The following RPS9 variants were observed in gnomAD, a reference collection of about 807,000 sequenced individuals.
RPS9 encodes the protein small ribosomal subunit protein uS4.
Under a neutral mutation model 16.9 loss-of-function variants are expected in RPS9, and 1 was observed. The observed-to-expected ratio is 0.06, with a 90% CI of 0.02 to 0.28. RPS9 has a LOEUF of 0.28. RPS9 is among the 10% of genes least tolerant of loss of function. The probability of loss-of-function intolerance (pLI) is 1.00; values close to 1 mark genes in which losing one functional copy is unlikely to be tolerated. For missense variants in RPS9, 137 were observed against 273.2 expected (o/e 0.50, Z 3.51); for synonymous variants, 106 against 110.9 (o/e 0.96, Z 0.28).
intron 3 of RPS9, among the ~76,000 whole-genome samples, chr19:54,202,187 G>A (rs2077079789): frequency 6.6e-6 from 1 of 151,766 alleles, no homozygotes; most frequent in Admixed American, 6.6e-5. Flanking sequence ...CACCACACCT[G>A]GCTAATTTTA....
rs547467969 is a variant in RPS9, at chr19:54,201,711, A to G, written c.220+102A>G. On this transcript the variant is annotated intron_variant, in intron 3 of 4. Coordinates refer to ENST00000302907, the MANE Select transcript of RPS9 (RefSeq NM_001013.4). The stretch of plus-strand genomic sequence containing the variant: ...CCAGTGATGAGAGTTGTGTCATTGG[A>G]TAAATGGAACCAGCCTTCTAACTTT... 2.1e-5 allele frequency: 33 copies of G among 1,541,828 alleles called. No homozygotes were observed. In the East Asian group the frequency reaches 7.5e-4, roughly 35 times the overall value.
At chr19:54,203,181 T>C in intron 3 of RPS9, 1 of 931,502 alleles carries the variant, frequency 1.1e-6, no homozygotes, top group South Asian at 4.9e-5. Context: ...CAATGAAACT[T>C]ACAGTCATGT....
intron 2 of RPS9, 62 bp downstream of exon 2, chr19:54,201,343 A>T: frequency 6.2e-7 from 1 of 1,612,718 alleles, no homozygotes; most frequent in Non-Finnish European, 8.5e-7. Context: ...CACGTGGATG[A>T]AGGTGCCCAT....
At chr19:54,201,736 T>A (rs939061135) in intron 3 of RPS9, 127 bp downstream of exon 3, 1 of 1,481,886 alleles carries the variant, frequency 6.7e-7, no homozygotes, top group South Asian at 1.3e-5. Context: ...CTTCTAACTT[T>A]TAGTGGCACT....
Position 54,201,289 on chromosome 19 carries a change from G to A in RPS9, c.97+8G>A. 6.2e-7 allele frequency: 1 copy of A among 1,614,100 alleles called. No individual in the cohort carries two copies. Among genetic ancestry groups the A allele is most frequent in the Non-Finnish European group, 8.5e-7 (1 of 1,180,014 alleles). ...AAGAGCTGAAGCTGATCGGTGAGTG[G>A]CCAAGGCTTCCGGGAAGTGGTTCGG... On this transcript the variant is annotated splice_region_variant and intron_variant, in intron 2 of 4. Coordinates refer to ENST00000302907, the MANE Select transcript of RPS9 (RefSeq NM_001013.4).
chr19:54,202,980 A>C, intron 3 of RPS9: 1 of 967,010 alleles, frequency 1.0e-6, no homozygotes, highest in South Asian at 4.8e-5. Flanking sequence ...TTACAGGTGT[A>C]AGCCACCGCA....
At chr19:54,203,720 G>A (rs3852887) in intron 3 of RPS9, among the ~76,000 whole-genome samples, 45,712 of 150,688 alleles carry the variant, frequency 0.3, 8,215 homozygotes, top group East Asian at 0.43. Context: ...GCAGTGAGCC[G>A]AGATCCGCGG....
At position 54,201,474 on chromosome 19, in the gene RPS9, T is replaced by A. The variant is rs1463155405; in HGVS notation, c.98-13T>A. Reference sequence around the variant, plus strand: ...CGTGGGACTACACTTGTCCACCCCCTTCTCCCCACCAGGCGAGTATGGGCT... The same window carrying A: ...CGTGGGACTACACTTGTCCACCCCCATCTCCCCACCAGGCGAGTATGGGCT... On this transcript the variant is annotated splice_polypyrimidine_tract_variant and intron_variant, in intron 2 of 4. Coordinates refer to ENST00000302907, the MANE Select transcript of RPS9 (RefSeq NM_001013.4). The A allele has an allele frequency of 1.2e-6, 2 of 1,613,852 alleles. No individual in the cohort carries two copies. Among genetic ancestry groups the A allele is most frequent in the Admixed American group, 3.3e-5 (2 of 59,962 alleles).
chr19:54,201,365 A>C, intron 2 of RPS9, 84 bp downstream of exon 2: 1 of 1,608,538 alleles, frequency 6.2e-7, no homozygotes, highest in Non-Finnish European at 8.5e-7. Context: ...TACTCTATCT[A>C]GTCCGTCCCC....
intron 4 of RPS9, chr19:54,207,185 G>A: frequency 3.7e-6 from 2 of 546,414 alleles, no homozygotes; most frequent in Non-Finnish European, 6.4e-6. Flanking sequence ...ATAAAATGGG[G>A]TTGAGAAAGT....
At chr19:54,206,766 C>A (rs1305639577) in intron 4 of RPS9, 5 of 1,436,638 alleles carry the variant, frequency 3.5e-6, no homozygotes, top group Non-Finnish European at 3.7e-6. Context: ...GAGAACCAGC[C>A]TCACCTCGCT....
chr19:54,202,115 G>A (rs1035270322), intron 3 of RPS9: 2 of 154,866 alleles, frequency 1.3e-5, no homozygotes, highest in African/African-American at 4.8e-5. Flanking sequence ...CCCGCCTCCT[G>A]GGTTCAAACA....
At chr19:54,201,731 A>G in intron 3 of RPS9, 122 bp downstream of exon 3, 7 of 1,491,498 alleles carry the variant, frequency 4.7e-6, no homozygotes, top group Non-Finnish European at 6.3e-6. Flanking sequence ...CCAGCCTTCT[A>G]ACTTTTAGTG....
intron 1 of RPS9, 31 bp from the exon 2 acceptor site, chr19:54,201,128 AT>A: frequency 1.2e-6 from 2 of 1,610,986 alleles, no homozygotes; most frequent in Non-Finnish European, 1.7e-6. Flanking sequence ...CGCCGTTTGG[AT>A]CCCTTACGCT....
At chr19:54,201,082 C>A (rs1488432801) in intron 1 of RPS9, 78 bp from the exon 2 acceptor site, 10 of 1,562,844 alleles carry the variant, frequency 6.4e-6, no homozygotes, top group Non-Finnish European at 8.7e-6. Context: ...GATCTGGGCT[C>A]CGCGAGGTTT....
Position 54,207,548 on chromosome 19 carries a change from G to A in RPS9, c.558G>A (p.Gly186=). Residue 186 remains glycine (G), a synonymous_variant, in exon 5 of 5, where the codon GGG becomes GGA. Transcript: ENST00000302907. ...CCAAGAAGGGCCAGGGTGGGGCTGG[G>A]GCTGGAGACGACGAGGAGGAGGATT... ...KNAKKGQGGA[G]AGDDEEED The A allele has an allele frequency of 1.9e-6, 3 of 1,611,722 alleles. No individual in the cohort carries two copies. Among genetic ancestry groups the A allele is most frequent in the Non-Finnish European group, 2.5e-6 (3 of 1,179,644 alleles).
At position 54,201,472 on chromosome 19, in the gene RPS9, C is replaced by T. The variant is rs2304524; in HGVS notation, c.98-15C>T. On this transcript the variant is annotated splice_polypyrimidine_tract_variant and intron_variant, in intron 2 of 4. Coordinates refer to ENST00000302907, the MANE Select transcript of RPS9 (RefSeq NM_001013.4). Reference sequence around the variant, plus strand: ...TACGTGGGACTACACTTGTCCACCCCCTTCTCCCCACCAGGCGAGTATGGG... The same window carrying T: ...TACGTGGGACTACACTTGTCCACCCTCTTCTCCCCACCAGGCGAGTATGGG... 6.2e-7 allele frequency: 1 copy of T among 1,613,626 alleles called. No individual in the cohort carries two copies. The highest frequency in any genetic ancestry group is 8.5e-7 in the Non-Finnish European group (1 of 1,179,794).
At position 54,207,160 on chromosome 19, in the gene RPS9, T is replaced by A. The variant is rs2077270796; in HGVS notation, c.408-238T>A. Reference sequence around the variant, plus strand: ...TGCTTTGTGGTCTTAGGTGGGATACTTTCGGATTTCTCCTATAAAATGGGG... The same window carrying A: ...TGCTTTGTGGTCTTAGGTGGGATACATTCGGATTTCTCCTATAAAATGGGG... On this transcript the variant is annotated intron_variant, in intron 4 of 4. Transcript: ENST00000302907. The A allele has an allele frequency of 1.5e-5, 8 of 542,910 alleles. No homozygotes were observed. In the East Asian group the frequency reaches 2.4e-4, roughly 16 times the overall value. 33.6% of individuals were successfully genotyped at this position (542,910 alleles called of 1,614,324 possible).
In RPS9 at chr19:54,200,879, G is replaced by T; in HGVS notation, c.-35G>T. 8.6e-7 allele frequency: 1 copy of T among 1,167,050 alleles called. No individual in the cohort carries two copies. The highest frequency in any genetic ancestry group is 2.3e-5 in the South Asian group (1 of 42,722). The allele number at this position is 1,167,050 out of a possible 1,614,324, so 72.3% of individuals were successfully genotyped here. A position where few individuals can be genotyped will look rare whatever the true frequency, so the allele number is the denominator to read the frequency against. On this transcript the variant is annotated 5_prime_UTR_variant, in exon 1 of 5. Transcript: ENST00000302907. The stretch of plus-strand genomic sequence containing the variant: ...GCGCCTCTTTCTCAGTGACCGGGTG[G>T]TTTGCTTAGGTGAGGTGCGGTGGTG...
Sources: gnomAD v4.1 joint callset for allele counts (sites outside exome capture counted in the v4.1 genomes callset) on GRCh38, gnomAD v4.1.1 for gene constraint, MANE v1.5 for transcripts, NCBI Gene and HGNC (gene_info 2026-07-23, HGNC 2026-07-21) for gene names.